The following CHD6 variants were observed in gnomAD, a reference collection of about 807,000 sequenced individuals.
CHD6 encodes the protein chromodomain helicase DNA binding protein 6.
In CHD6, 50 loss-of-function variants were observed where a neutral mutation model predicts 276.9. The ratio of observed to expected loss-of-function variants is 0.18; its 90% CI spans 0.14 to 0.23. The LOEUF (loss-of-function observed/expected upper bound fraction) is 0.23. CHD6 is among the 10% of genes least tolerant of loss of function. CHD6 has a pLI of 1.00. For missense variants in CHD6, 2,564 were observed against 3,365.8 expected (o/e 0.76, Z 5.89); for synonymous variants, 1,173 against 1,229.3 (o/e 0.95, Z 0.96).
Position 41,533,462 on chromosome 20 carries a change from T to A in CHD6, c.142A>T (p.Ile48Phe). The change falls in exon 3 of 37, where the codon ATT becomes TTT. Residue 48 changes from isoleucine to phenylalanine, a missense_variant. Coordinates refer to ENST00000373233, the MANE Select transcript of CHD6 (RefSeq NM_032221.5). ...AGACAGTGACTAGCAACATCTTCAATTTTCTCTTCTTGATCAGTGCTGCAG... is the reference window on the plus strand; with the variant it reads ...AGACAGTGACTAGCAACATCTTCAAATTTCTCTTCTTGATCAGTGCTGCAG... ...FDCSTDQEEK[I>F]EDVASHCLPQ... 6.2e-7 allele frequency: 1 copy of A among 1,614,172 alleles called. No homozygotes were observed. Among genetic ancestry groups the A allele is most frequent in the Non-Finnish European group, 8.5e-7 (1 of 1,180,028 alleles).
chr20:41,413,524 A>T lies in CHD6; in HGVS notation c.6940-9T>A. On this transcript the variant is annotated splice_polypyrimidine_tract_variant and intron_variant, in intron 34 of 36. Transcript: ENST00000373233. ...GGGTCTTCATGGACTTCCTGGATGA[A>T]GGAAAAACGAGTATGTATAATCACG... 6.6e-7 allele frequency: 1 copy of T among 1,524,124 alleles called. No homozygotes were observed. Among genetic ancestry groups the T allele is most frequent in the Non-Finnish European group, 8.8e-7 (1 of 1,134,858 alleles). 94.4% of individuals were successfully genotyped at this position (1,524,124 alleles called of 1,614,324 possible). A position where few individuals can be genotyped will look rare whatever the true frequency, so the allele number is the denominator to read the frequency against.
chr20:41,577,225 T>C (rs1320318924), intron 1 of CHD6, among the ~76,000 whole-genome samples: 1 of 152,236 alleles, frequency 6.6e-6, no homozygotes, highest in Non-Finnish European at 1.5e-5. Context: ...TTTATCATGA[T>C]TTGGAGAATT....
chr20:41,582,794 CAA>C (rs944183057), intron 1 of CHD6, among the ~76,000 whole-genome samples: 8 of 152,050 alleles, frequency 5.3e-5, no homozygotes, highest in African/African-American at 1.9e-4. Context: ...AAATATGTGA[CAA>C]AGAATCAAAT....
At chr20:41,430,653 C>T (rs1163672990) in intron 27 of CHD6, among the ~76,000 whole-genome samples, 1 of 152,166 alleles carries the variant, frequency 6.6e-6, no homozygotes, top group South Asian at 2.1e-4. Context: ...AAAGTTTCCT[C>T]AGCCCTCAAA....
intron 1 of CHD6, among the ~76,000 whole-genome samples, chr20:41,612,945 C>G (rs973452981): frequency 2.0e-5 from 3 of 151,992 alleles, no homozygotes; most frequent in African/African-American, 7.2e-5. Flanking sequence ...TAAGTTTGAC[C>G]ACCTCCTAGA....
chr20:41,565,162 T>C (rs2045342075), intron 1 of CHD6, among the ~76,000 whole-genome samples: 1 of 151,672 alleles, frequency 6.6e-6, no homozygotes, highest in South Asian at 2.1e-4. Flanking sequence ...AGTGGCGCGA[T>C]CTCAGCTCAC....
intron 2 of CHD6, among the ~76,000 whole-genome samples, chr20:41,536,679 C>T (rs764941311): frequency 6.6e-6 from 1 of 152,124 alleles, no homozygotes; most frequent in Non-Finnish European, 1.5e-5. Flanking sequence ...ACTCAGGCAA[C>T]AAAAACCATT....
rs553575770 is a variant in CHD6 at position 41,596,966 on chromosome 20, G to A, written c.-24+21374C>T. ...CAAAAGGCAAAAAATCATGCTGTCC[G>A]CTCTACAACAAAGTACCCGAGGGTC... On this transcript the variant is annotated intron_variant, in intron 1 of 36. Transcript: ENST00000373233. Among the ~76,000 whole-genome samples the A allele has an allele frequency of 2.1e-4, 32 of 152,214 alleles. No homozygotes were observed. The East Asian group carries it at 2.5e-3, about 12-fold the overall frequency.
chr20:41,610,575 C>T (rs2045876575), intron 1 of CHD6, among the ~76,000 whole-genome samples: 1 of 152,032 alleles, frequency 6.6e-6, no homozygotes, highest in Non-Finnish European at 1.5e-5. Context: ...TCCTGGCTAA[C>T]ATGGTGAAAC....
At chr20:41,443,703 C>G (rs891253415) in intron 25 of CHD6, among the ~76,000 whole-genome samples, 6 of 152,290 alleles carry the variant, frequency 3.9e-5, no homozygotes, top group South Asian at 2.1e-4. Context: ...TTTAGCTCTG[C>G]TTTCTTGGAC....
intron 1 of CHD6, among the ~76,000 whole-genome samples, chr20:41,552,742 G>T (rs968956511): frequency 6.6e-5 from 10 of 152,154 alleles, no homozygotes; most frequent in Admixed American, 1.3e-4. Flanking sequence ...ACCACAAAAT[G>T]CCATGGAATC....
intron 18 of CHD6, among the ~76,000 whole-genome samples, chr20:41,456,993 C>A (rs6029689): frequency 6.6e-6 from 1 of 152,152 alleles, no homozygotes; most frequent in African/African-American, 2.4e-5. Context: ...TGGCTTCTAA[C>A]GGGCACAGTT....
chr20:41,593,829 T>C (rs1033182709), intron 1 of CHD6, among the ~76,000 whole-genome samples: 2 of 152,176 alleles, frequency 1.3e-5, no homozygotes, highest in Admixed American at 1.3e-4. Flanking sequence ...GAGGCAGCTA[T>C]CTACAAGCGA....
At chr20:41,470,854 T>A (rs1394987044) in intron 17 of CHD6, among the ~76,000 whole-genome samples, 1 of 152,262 alleles carries the variant, frequency 6.6e-6, no homozygotes, top group East Asian at 1.9e-4. Context: ...TCCAAAATGT[T>A]TGCCTCTGGC....
chr20:41,408,959 T>C (rs1024964406), intron 36 of CHD6, among the ~76,000 whole-genome samples: 3 of 152,232 alleles, frequency 2.0e-5, no homozygotes, highest in African/African-American at 7.2e-5. Flanking sequence ...AGTAGCACTC[T>C]CAGGATCTGG....
intron 27 of CHD6, among the ~76,000 whole-genome samples, chr20:41,429,850 C>T (rs1047749622): frequency 5.9e-5 from 9 of 152,174 alleles, no homozygotes; most frequent in Non-Finnish European, 1.2e-4. Flanking sequence ...AAAGAGGGAA[C>T]GCCACACTGA....
At position 41,573,759 on chromosome 20, in the gene CHD6, G is replaced by A. The variant is rs548751926; in HGVS notation, c.-23-22399C>T. 2.0e-5 allele frequency among the ~76,000 whole-genome samples: 3 copies of A among 152,298 alleles called. No individual in the cohort carries two copies. The East Asian group carries it at 5.8e-4, about 29-fold the overall frequency. ...GACTGTATAATATCAATGAAAGTTT[G>A]ACAATCTATTTCATAAAGTAAGCAA... On this transcript the variant is annotated intron_variant, in intron 1 of 36. Transcript: ENST00000373233.
chr20:41,565,521 G>GA (rs2045346009), intron 1 of CHD6, among the ~76,000 whole-genome samples: 1 of 152,182 alleles, frequency 6.6e-6, no homozygotes, highest in African/African-American at 2.4e-5. Context: ...AAATTTGAAG[G>GA]AAAAGTGAAG....
chr20:41,565,972 GA>G (rs1253528528), intron 1 of CHD6, among the ~76,000 whole-genome samples: 2 of 152,082 alleles, frequency 1.3e-5, no homozygotes, highest in Non-Finnish European at 2.9e-5. Flanking sequence ...CATTAAGAGG[GA>G]AAAACAGTCA....
Sources: gnomAD v4.1 joint callset for allele counts (sites outside exome capture counted in the v4.1 genomes callset) on GRCh38, gnomAD v4.1.1 for gene constraint, MANE v1.5 for transcripts, NCBI Gene and HGNC (gene_info 2026-07-23, HGNC 2026-07-21) for gene names.